The following PCLO variants were observed in gnomAD, a reference collection of about 807,000 sequenced individuals.
PCLO encodes the protein piccolo presynaptic cytomatrix protein.
A neutral mutation model predicts 427.5 loss-of-function variants in PCLO; 82 were observed. The ratio of observed to expected loss-of-function variants is 0.19; its 90% CI spans 0.16 to 0.23. PCLO has a LOEUF of 0.23. Among genes scored for constraint, PCLO ranks in the 10% least tolerant of loss-of-function variants. PCLO has a pLI of 1.00. For synonymous variants in PCLO, 2,357 were observed against 2,155.4 expected, an observed-to-expected ratio of 1.09 and a Z score of -2.59; for missense variants, 6,239 against 6,115.9, an observed-to-expected ratio of 1.02 and a Z score of -0.67.
At chr7:82,965,726 A>G (rs1320824744) in intron 4 of PCLO, 45 bp downstream of exon 4, 3 of 1,318,620 alleles carry the variant, frequency 2.3e-6, no homozygotes, top group East Asian at 4.6e-5. Flanking sequence ...AAAAATTAGT[A>G]ATTTCACACA....
At chr7:82,984,403 G>GTCT (rs1796211791) in intron 3 of PCLO, among the ~76,000 whole-genome samples, 3 of 120,734 alleles carry the variant, frequency 2.5e-5, no homozygotes, top group African/African-American at 3.6e-5. Flanking sequence ...TTTCAAATGT[G>GTCT]GTGTCTGTGT....
At chr7:83,101,192 T>C (rs1170581200) in intron 3 of PCLO, among the ~76,000 whole-genome samples, 1 of 151,814 alleles carries the variant, frequency 6.6e-6, no homozygotes, top group Admixed American at 6.6e-5. Flanking sequence ...AGGAACATAA[T>C]CAATTTCAAA....
At chr7:83,149,988 T>G (rs1342985193) in intron 2 of PCLO, among the ~76,000 whole-genome samples, 1 of 152,114 alleles carries the variant, frequency 6.6e-6, no homozygotes, top group African/African-American at 2.4e-5. Flanking sequence ...TGTGCCATAA[T>G]GACTAAAAAA....
chr7:82,980,462 T>C (rs1583867327), intron 3 of PCLO, among the ~76,000 whole-genome samples: 2 of 152,110 alleles, frequency 1.3e-5, no homozygotes, highest in South Asian at 2.1e-4. Flanking sequence ...AGTTAGAAAG[T>C]GGCATGATTG....
intron 2 of PCLO, among the ~76,000 whole-genome samples, chr7:83,152,210 C>T (rs1017777226): frequency 7.9e-5 from 12 of 151,560 alleles, no homozygotes; most frequent in African/African-American, 1.7e-4. Flanking sequence ...GTGATCTGCC[C>T]GCCTCGGCCT....
At position 82,952,474 on chromosome 7, in the gene PCLO, T is replaced by C. The variant is rs754188153; in HGVS notation, c.8479A>G (p.Thr2827Ala). 2 of 1,613,930 alleles carry C rather than the reference T, an allele frequency of 1.2e-6. No individual in the cohort carries two copies. Among genetic ancestry groups the C allele is most frequent in the East Asian group, 4.5e-5 (2 of 44,862 alleles). Reference sequence around the variant, plus strand: ...GGGGGCTCAGCATGCTTTGATGTTGTAAGTTGGAGTGGTGTTGTCATTGCA... The same window carrying C: ...GGGGGCTCAGCATGCTTTGATGTTGCAAGTTGGAGTGGTGTTGTCATTGCA... ...EHAMTTPLQL[T>A]TSKHAEPPYR... is the part of the protein sequence containing the mutation. The change falls in exon 5 of 25, where the codon ACA becomes GCA. Residue 2827 changes from threonine to alanine, a missense_variant. This residue lies in a region of PCLO where 4,677 missense variants were observed against 4,468.4 expected (regional missense o/e 1.05). Coordinates refer to ENST00000333891, the MANE Select transcript of PCLO (RefSeq NM_033026.6).
At chr7:82,968,644 T>A (rs1795833725) in intron 3 of PCLO, among the ~76,000 whole-genome samples, 1 of 151,186 alleles carries the variant, frequency 6.6e-6, no homozygotes, top group Non-Finnish European at 1.5e-5. Context: ...CTCAGTCTCC[T>A]GAGTAGCTGG....
chr7:83,020,389 G>A (rs994528605), intron 3 of PCLO, among the ~76,000 whole-genome samples: 25 of 133,524 alleles, frequency 1.9e-4, no homozygotes, highest in African/African-American at 6.0e-4. Context: ...ATCCCTATTT[G>A]GTAGTAGTAA....
At chr7:83,100,715 A>T (rs891274111) in intron 3 of PCLO, among the ~76,000 whole-genome samples, 4 of 152,274 alleles carry the variant, frequency 2.6e-5, no homozygotes, top group African/African-American at 9.6e-5. Flanking sequence ...ACTAGGCTTA[A>T]TATCTGGCTG....
chr7:83,056,886 A>G (rs1228785587), intron 3 of PCLO, among the ~76,000 whole-genome samples: 1 of 152,000 alleles, frequency 6.6e-6, no homozygotes, highest in African/African-American at 2.4e-5. Context: ...AAATAATAAA[A>G]CTTCTCTTTT....
intron 3 of PCLO, among the ~76,000 whole-genome samples, chr7:83,032,221 G>T (rs970706205): frequency 2.6e-5 from 4 of 152,046 alleles, no homozygotes; most frequent in African/African-American, 9.7e-5. Flanking sequence ...TTAGCCTTTT[G>T]AGTCACCCTG....
At chr7:83,078,028 C>A (rs1790000575) in intron 3 of PCLO, among the ~76,000 whole-genome samples, 1 of 152,090 alleles carries the variant, frequency 6.6e-6, no homozygotes, top group African/African-American at 2.4e-5. Context: ...TATGCAGAGC[C>A]ATTTCCAGCA....
At chr7:83,116,453 A>G (rs920254459) in intron 3 of PCLO, among the ~76,000 whole-genome samples, 2 of 152,140 alleles carry the variant, frequency 1.3e-5, no homozygotes, top group African/African-American at 4.8e-5. Context: ...TCTTTTGTTC[A>G]GTAAGTTTCA....
rs1228685200 is a variant in PCLO, at chr7:82,756,578, C to G, written c.*1997G>C. On this transcript the variant is annotated 3_prime_UTR_variant, in exon 25 of 25. Transcript: ENST00000333891. ...TATCCTGGGATATATTAGAAATTCT[C>G]TTATTTTTAGTGCTTTACAGTCCTC... 2 of 151,736 alleles carry G rather than the reference C, an allele frequency of 1.3e-5. No homozygotes were observed. Among genetic ancestry groups the G allele is most frequent in the Non-Finnish European group, 2.9e-5 (2 of 67,918 alleles). The allele number at this position is 151,736 out of a possible 1,614,324, so 9.4% of individuals were successfully genotyped here. A position where few individuals can be genotyped will look rare whatever the true frequency, so the allele number is the denominator to read the frequency against.
In PCLO at chr7:83,097,553, TAC is replaced by T. The variant is rs1471202842; in HGVS notation, c.3300+36695_3300+36696del. Among the ~76,000 whole-genome samples, 501 of 147,166 alleles carry T rather than the reference TAC, an allele frequency of 3.4e-3. 3 individuals carry two copies. The highest frequency in any genetic ancestry group is 0.012 in the African/African-American group (479 of 40,552). On this transcript the variant is annotated intron_variant, in intron 3 of 24. Coordinates refer to ENST00000333891, the MANE Select transcript of PCLO (RefSeq NM_033026.6). ...ATATATATATATATAATATATAAAA[TAC>T]ATATATTATATATATATTTTATTTG...
chr7:82,762,120 A>G (rs890870632), intron 22 of PCLO, among the ~76,000 whole-genome samples: 1 of 152,102 alleles, frequency 6.6e-6, no homozygotes, highest in Admixed American at 6.6e-5. Flanking sequence ...TGCTTTTTCT[A>G]TCTATTGGGA....
chr7:82,849,481 A>C (rs959021042), intron 10 of PCLO, among the ~76,000 whole-genome samples: 1 of 152,164 alleles, frequency 6.6e-6, no homozygotes, highest in Non-Finnish European at 1.5e-5. Flanking sequence ...ACAGTGAGAC[A>C]CCATAGGGAA....
intron 22 of PCLO, among the ~76,000 whole-genome samples, chr7:82,793,812 C>T (rs1583981529): frequency 6.6e-6 from 1 of 152,082 alleles, no homozygotes; most frequent in East Asian, 1.9e-4. Flanking sequence ...CTTTGTGTCT[C>T]TGGATTCACA....
chr7:82,917,609 G>A (rs1328375280), intron 6 of PCLO, among the ~76,000 whole-genome samples: 4 of 151,876 alleles, frequency 2.6e-5, no homozygotes, highest in Non-Finnish European at 4.4e-5. Flanking sequence ...TACAATTTTA[G>A]GATATCAAAA....
Sources: allele counts gnomAD v4.1 joint callset (sites outside exome capture counted in the v4.1 genomes callset), GRCh38; gene constraint gnomAD v4.1.1; regional missense constraint gnomAD v4.1.1; transcripts MANE v1.5; gene names NCBI Gene and HGNC (gene_info 2026-07-23, HGNC 2026-07-21).